Variants in CDH6 observed in about 807,000 individuals in gnomAD.
CDH6 encodes the protein cadherin-6.
In CDH6, 31 loss-of-function variants were observed where a neutral mutation model predicts 78.0. The observed-to-expected ratio is 0.40, with a 90% CI of 0.30 to 0.54. CDH6 has a LOEUF of 0.54. Among genes scored for constraint, CDH6 ranks in the 20% least tolerant of loss-of-function variants. CDH6 has a pLI of 0.56. For synonymous variants in CDH6, 376 were observed against 368.8 expected (o/e 1.02, Z -0.23); for missense variants, 724 against 975.9 (o/e 0.74, Z 3.44).
chr5:31,289,525 A>G (rs939803284), intron 2 of CDH6, among the ~76,000 whole-genome samples: 2 of 152,138 alleles, frequency 1.3e-5, no homozygotes, highest in African/African-American at 4.8e-5. Context: ...TGGTAATTCT[A>G]CTTTTAGTTC....
chr5:31,203,841 T>G (rs368483381), intron 1 of CDH6, among the ~76,000 whole-genome samples: 3 of 151,924 alleles, frequency 2.0e-5, no homozygotes, highest in Admixed American at 6.6e-5. Context: ...CCACAATGGT[T>G]GAACTAGTTT....
chr5:31,273,996 T>C (rs1742609998), intron 2 of CDH6, among the ~76,000 whole-genome samples: 1 of 152,238 alleles, frequency 6.6e-6, no homozygotes, highest in African/African-American at 2.4e-5. Context: ...CTTTTCTCCC[T>C]GAATCAGGGC....
chr5:31,261,487 G>C (rs1008018434), intron 1 of CDH6, among the ~76,000 whole-genome samples: 1 of 152,166 alleles, frequency 6.6e-6, no homozygotes, highest in Non-Finnish European at 1.5e-5. Flanking sequence ...GAAATGTAAA[G>C]TACTATGCCA....
chr5:31,281,600 A>G (rs1290138532), intron 2 of CDH6, among the ~76,000 whole-genome samples: 1 of 152,250 alleles, frequency 6.6e-6, no homozygotes, highest in Non-Finnish European at 1.5e-5. Context: ...CCAAGCATAA[A>G]GCAGTAAACA....
At chr5:31,203,333 G>C (rs1355103302) in intron 1 of CDH6, among the ~76,000 whole-genome samples, 1 of 141,386 alleles carries the variant, frequency 7.1e-6, no homozygotes, top group East Asian at 2.1e-4. Flanking sequence ...TGCCATGCTG[G>C]TGCGCTGCAC....
At chr5:31,290,974 T>C (rs1030400057) in intron 2 of CDH6, among the ~76,000 whole-genome samples, 3 of 152,218 alleles carry the variant, frequency 2.0e-5, no homozygotes, top group African/African-American at 7.2e-5. Context: ...GTTTCGGGTG[T>C]TTGTTCTATA....
At position 31,267,419 on chromosome 5, in the gene CDH6, A is replaced by C; in HGVS notation, c.-55A>C. On this transcript the variant is annotated 5_prime_UTR_variant, in exon 2 of 12. Coordinates refer to ENST00000265071, the MANE Select transcript of CDH6 (RefSeq NM_004932.4). ...GAGGCTGGATACGGTGCAGTGAAAA[A>C]GGCACTTCCAAGAGTGGGGCACTCA... 1 of 1,309,282 alleles carries C rather than the reference A, an allele frequency of 7.6e-7. No individual in the cohort carries two copies. Among genetic ancestry groups the C allele is most frequent in the Non-Finnish European group, 1.1e-6 (1 of 905,534 alleles). 81.1% of individuals were successfully genotyped at this position (1,309,282 alleles called of 1,614,324 possible).
chr5:31,281,772 A>G (rs1259572410), intron 2 of CDH6, among the ~76,000 whole-genome samples: 5 of 152,230 alleles, frequency 3.3e-5, no homozygotes, highest in Admixed American at 6.5e-5. Flanking sequence ...AATACAACGA[A>G]TACAGAAATG....
intron 1 of CDH6, among the ~76,000 whole-genome samples, chr5:31,264,792 G>C (rs986973449): frequency 6.6e-6 from 1 of 152,096 alleles, no homozygotes; most frequent in Non-Finnish European, 1.5e-5. Flanking sequence ...TAGCCTACTT[G>C]GAAATACTAC....
At chr5:31,318,634 C>T (rs1049460994) in intron 11 of CDH6, 12 of 229,148 alleles carry the variant, frequency 5.2e-5, no homozygotes, top group African/African-American at 2.2e-4. Context: ...GCCTACAAGT[C>T]GAGCTCAGAT....
chr5:31,256,806 T>C (rs1235378769), intron 1 of CDH6, among the ~76,000 whole-genome samples: 1 of 152,148 alleles, frequency 6.6e-6, no homozygotes, highest in Non-Finnish European at 1.5e-5. Context: ...GGGATAAAAA[T>C]TGGTAAACTG....
chr5:31,284,072 C>T (rs1232191013), intron 2 of CDH6, among the ~76,000 whole-genome samples: 3 of 152,112 alleles, frequency 2.0e-5, no homozygotes, highest in Non-Finnish European at 4.4e-5. Context: ...ACGTTGTCCT[C>T]CCAAAGTGCT....
In CDH6 at chr5:31,290,137, G is replaced by C. The variant is rs150756958; in HGVS notation, c.229-3825G>C. Among the ~76,000 whole-genome samples, 23 of 152,246 alleles carry C rather than the reference G, an allele frequency of 1.5e-4. 1 individual carries two copies. The East Asian group carries it at 2.9e-3, about 19-fold the overall frequency. On this transcript the variant is annotated intron_variant, in intron 2 of 11. Transcript: ENST00000265071. ...TAGCCAGGTGTGGTGGTGGATGCCT[G>C]TAATCCCAGCTACACGGCAGGCTGA...
intron 6 of CDH6, among the ~76,000 whole-genome samples, chr5:31,302,868 AAGG>A (rs1186357032): frequency 1.3e-5 from 2 of 148,176 alleles, no homozygotes; most frequent in Non-Finnish European, 3.0e-5. Flanking sequence ...GAAAGGAAGA[AAGG>A]AGGGAAGGAA....
chr5:31,283,954 A>C (rs1742940581), intron 2 of CDH6, among the ~76,000 whole-genome samples: 1 of 152,050 alleles, frequency 6.6e-6, no homozygotes, highest in South Asian at 2.1e-4. Context: ...AGCTGGGCCT[A>C]CAGGCAGGCA....
At chr5:31,305,145 T>C in intron 6 of CDH6, 29 bp from the exon 7 acceptor site, 1 of 1,590,240 alleles carries the variant, frequency 6.3e-7, no homozygotes, top group Non-Finnish European at 8.6e-7. Context: ...TTTAAATATG[T>C]CACTTCTTCC....
chr5:31,295,579 CATTGATCATCCTTA>C (rs1221835610), intron 3 of CDH6, among the ~76,000 whole-genome samples: 2 of 152,108 alleles, frequency 1.3e-5, no homozygotes, highest in African/African-American at 4.8e-5. Context: ...GTTATGGTGA[CATTGATCATCCTTA>C]ATTGATATCT....
At chr5:31,316,120 G>T in intron 8 of CDH6, 88 bp from the exon 9 acceptor site, 2 of 1,389,754 alleles carry the variant, frequency 1.4e-6, no homozygotes, top group Non-Finnish European at 2.0e-6. Flanking sequence ...GTGCATGAAT[G>T]AGAATGAAGG....
intron 5 of CDH6, among the ~76,000 whole-genome samples, chr5:31,301,157 CA>C (rs1246125390): frequency 2.6e-5 from 4 of 152,044 alleles, no homozygotes; most frequent in African/African-American, 9.7e-5. Context: ...GTACTTGAGT[CA>C]AAAAAAGTTT....
Sources: allele counts gnomAD v4.1 joint callset (sites outside exome capture counted in the v4.1 genomes callset), GRCh38; gene constraint gnomAD v4.1.1; transcripts MANE v1.5; gene names NCBI Gene and HGNC (gene_info 2026-07-23, HGNC 2026-07-21).